ADAMTS20: variants seen among roughly 807,000 people sequenced by gnomAD.
ADAMTS20 encodes ADAM metallopeptidase with thrombospondin type 1 motif 20, also known as A disintegrin and metalloproteinase with thrombospondin motifs 20.
A neutral mutation model predicts 260.1 loss-of-function variants in ADAMTS20; 225 were observed. The observed-to-expected ratio is 0.87, with a 90% CI of 0.78 to 0.97. The LOEUF is 0.97. ADAMTS20 is among the 50% of genes least tolerant of loss of function. The pLI is 0.00. For synonymous variants in ADAMTS20, 802 were observed against 769.5 expected, an observed-to-expected ratio of 1.04 and a Z score of -0.70; for missense variants, 2,400 against 2,337.7, an observed-to-expected ratio of 1.03 and a Z score of -0.55.
At chr12:43,507,184 T>C (rs189861278) in intron 3 of ADAMTS20, among the ~76,000 whole-genome samples, 5 of 152,312 alleles carry the variant, frequency 3.3e-5, no homozygotes, top group Admixed American at 3.3e-4. Context: ...TTTGCATGTA[T>C]ACATATATCA....
At chr12:43,367,931 GC>G (rs1940022801) in intron 37 of ADAMTS20, among the ~76,000 whole-genome samples, 1 of 151,994 alleles carries the variant, frequency 6.6e-6, no homozygotes, top group South Asian at 2.1e-4. Context: ...ACCTGTCAAA[GC>G]CTTCTTAATG....
At chr12:43,421,874 A>T (rs1385879324) in intron 28 of ADAMTS20, among the ~76,000 whole-genome samples, 1 of 152,080 alleles carries the variant, frequency 6.6e-6, no homozygotes, top group African/African-American at 2.4e-5. Context: ...CAACAATTAA[A>T]TGTTTAATAA....
chr12:43,414,684 C>A (rs931241491), intron 28 of ADAMTS20, among the ~76,000 whole-genome samples: 1 of 152,024 alleles, frequency 6.6e-6, no homozygotes, highest in Admixed American at 6.6e-5. Flanking sequence ...CTGATAATAT[C>A]AAGTGTTGAC....
intron 3 of ADAMTS20, among the ~76,000 whole-genome samples, chr12:43,512,506 T>A (rs531644808): frequency 5.4e-4 from 82 of 152,224 alleles, no homozygotes; most frequent in African/African-American, 1.9e-3. Flanking sequence ...TACAGTCCTC[T>A]GTGATTTCTC....
chr12:43,370,304 A>C (rs1406827258), intron 36 of ADAMTS20, among the ~76,000 whole-genome samples: 2 of 152,208 alleles, frequency 1.3e-5, no homozygotes, highest in Non-Finnish European at 2.9e-5. Context: ...TTTCTTCCCA[A>C]GCCCAGGTAC....
At chr12:43,392,679 GTT>G (rs1248002315) in intron 29 of ADAMTS20, among the ~76,000 whole-genome samples, 1 of 152,120 alleles carries the variant, frequency 6.6e-6, no homozygotes, top group East Asian at 1.9e-4. Context: ...CCAATAGAAA[GTT>G]TTCAAATCTT....
At position 43,439,614 on chromosome 12, in the gene ADAMTS20, C is replaced by G. The variant is rs750283448; in HGVS notation, c.2593+8G>C. 1.3e-6 allele frequency: 2 copies of G among 1,597,478 alleles called. No individual in the cohort carries two copies. The highest frequency in any genetic ancestry group is 2.3e-5 in the South Asian group (2 of 87,174). On this transcript the variant is annotated splice_region_variant and intron_variant, in intron 18 of 38. Coordinates refer to ENST00000389420, the MANE Select transcript of ADAMTS20 (RefSeq NM_025003.5). The stretch of plus-strand genomic sequence containing the variant: ...CAGTCTTTTCTCCCTTATTGAATGC[C>G]AGCGTACCTTGACACATTTTGGTAC...
At chr12:43,373,871 G>T (rs544424234) in intron 36 of ADAMTS20, among the ~76,000 whole-genome samples, 1 of 151,156 alleles carries the variant, frequency 6.6e-6, no homozygotes, top group Non-Finnish European at 1.5e-5. Context: ...AGTAGAGACG[G>T]GGTTTCACCG....
intron 18 of ADAMTS20, among the ~76,000 whole-genome samples, chr12:43,435,711 T>C (rs1393299201): frequency 7.2e-6 from 1 of 138,300 alleles, no homozygotes; most frequent in Non-Finnish European, 1.6e-5. Context: ...AAAAAAAACA[T>C]GGATACAGAT....
At chr12:43,450,425 G>C (rs879404055) in intron 14 of ADAMTS20, among the ~76,000 whole-genome samples, 1 of 152,118 alleles carries the variant, frequency 6.6e-6, no homozygotes, top group Non-Finnish European at 1.5e-5. Context: ...TCTGAAAGTA[G>C]CATGCCTCTA....
chr12:43,452,422 A>G lies in ADAMTS20; in HGVS notation c.1943-12T>C, dbSNP rs1302339042. On this transcript the variant is annotated splice_polypyrimidine_tract_variant and intron_variant, in intron 13 of 38. Transcript: ENST00000389420. ...ATCCTTTGTGCCAACTGTAAAAAAGAAAAAGGTCAAATTTTTAATGTATAA... is the reference window on the plus strand; with the variant it reads ...ATCCTTTGTGCCAACTGTAAAAAAGGAAAAGGTCAAATTTTTAATGTATAA... The G allele has an allele frequency of 6.2e-7, 1 of 1,605,482 alleles. No individual in the cohort carries two copies. The highest frequency in any genetic ancestry group is 8.5e-7 in the Non-Finnish European group (1 of 1,177,612).
intron 2 of ADAMTS20, among the ~76,000 whole-genome samples, chr12:43,533,250 A>T: frequency 7.1e-6 from 1 of 141,838 alleles, no homozygotes; most frequent in East Asian, 2.1e-4. Flanking sequence ...TGCCATTCTA[A>T]CTGGTGTGAG....
At position 43,399,073 on chromosome 12, in the gene ADAMTS20, C is replaced by T. The variant is rs746811280; in HGVS notation, c.4445G>A (p.Trp1482Ter). The change falls in exon 29 of 39, where the codon TGG (tryptophan) becomes TAG (stop). Residue 1482 changes from tryptophan (W) to a stop codon, truncating the protein, a stop_gained. Coordinates refer to ENST00000389420, the MANE Select transcript of ADAMTS20 (RefSeq NM_025003.5). LOFTEE classifies it high-confidence loss of function. ...AAAATATACATCATATACCTCATTC[C>T]AGCTATTGGCTTTCCATGAAGGGCA... is the stretch of plus-strand genomic sequence containing the variant. ...VRCPSWKANS[W>*]NECSVTCGSG... 2 of 1,509,738 alleles carry T rather than the reference C, an allele frequency of 1.3e-6. No individual in the cohort carries two copies. The highest frequency in any genetic ancestry group is 8.9e-7 in the Non-Finnish European group (1 of 1,128,474). The allele number at this position is 1,509,738 out of a possible 1,614,324, so 93.5% of individuals were successfully genotyped here.
In ADAMTS20 at chr12:43,551,680, A is replaced by C; in HGVS notation, c.91+151T>G. The C allele has an allele frequency of 1.2e-6, 1 of 814,378 alleles. No individual in the cohort carries two copies. 50.4% of individuals were successfully genotyped at this position (814,378 alleles called of 1,614,324 possible). A position where few individuals can be genotyped will look rare whatever the true frequency, so the allele number is the denominator to read the frequency against. ...TTCCTCGAAACCCGGCGCAGTCGCGACCTCTCCGGCTGACTGGTCCGGGAG... is the reference window on the plus strand; with the variant it reads ...TTCCTCGAAACCCGGCGCAGTCGCGCCCTCTCCGGCTGACTGGTCCGGGAG... On this transcript the variant is annotated intron_variant, in intron 1 of 38. Coordinates refer to ENST00000389420, the MANE Select transcript of ADAMTS20 (RefSeq NM_025003.5). The surrounding 1 kb of genome is among the most constrained non-coding windows in gnomAD (Gnocchi z 4.6).
intron 3 of ADAMTS20, among the ~76,000 whole-genome samples, chr12:43,524,286 A>G (rs1001466696): frequency 7.9e-5 from 7 of 88,772 alleles, no homozygotes; most frequent in African/African-American, 2.8e-4. Flanking sequence ...ACGAGAGCCT[A>G]ATTACACTAC....
At position 43,552,058 on chromosome 12, in the gene ADAMTS20, G is replaced by T. The variant is rs1473633924; in HGVS notation, c.-137C>A. On this transcript the variant is annotated 5_prime_UTR_variant, in exon 1 of 39. Transcript: ENST00000389420. ...CCTCAGCAGCCTAGGGAACAGCAGC[G>T]CGGGCCCTGGGCCGGCTGGTCCAGC... is the stretch of plus-strand genomic sequence containing the variant. The T allele has an allele frequency of 1.4e-6, 1 of 704,880 alleles. No individual in the cohort carries two copies. The highest frequency in any genetic ancestry group is 2.4e-6 in the Non-Finnish European group (1 of 414,928). The allele number at this position is 704,880 out of a possible 1,614,324, so 43.7% of individuals were successfully genotyped here.
chr12:43,423,591 C>G (rs1269746254), intron 28 of ADAMTS20: 1 of 612,960 alleles, frequency 1.6e-6, no homozygotes, highest in Non-Finnish European at 2.9e-6. Flanking sequence ...TTCTTAAGAA[C>G]TAGGCTTGCA....
In ADAMTS20 at chr12:43,493,253, C is replaced by T. The variant is rs201183239; in HGVS notation, c.868G>A (p.Val290Ile). The T allele has an allele frequency of 9.7e-6, 15 of 1,538,730 alleles. No individual in the cohort carries two copies. Among genetic ancestry groups the T allele is most frequent in the Admixed American group, 2.1e-5 (1 of 47,674 alleles). The stretch of plus-strand genomic sequence containing the variant: ...CTTGGATCTTTGTAGATTGTTGCAA[C>T]CTGCATGTAAAAAAAATGTAGGATT... ...QNYILTLMSI[V>I]ATIYKDPSIG... The change falls in exon 5 of 39, where the codon GTT becomes ATT. Residue 290 changes from valine (V) to isoleucine (I), a missense_variant and splice_region_variant. Transcript: ENST00000389420.
At position 43,376,619 on chromosome 12, in the gene ADAMTS20, C is replaced by G. The variant is rs779590352; in HGVS notation, c.5030G>C (p.Arg1677Thr). The G allele has an allele frequency of 9.3e-6, 15 of 1,613,176 alleles. No homozygotes were observed. The African/African-American group carries it at 1.2e-4, about 13-fold the overall frequency. Residue 1677 changes from arginine to threonine, a missense_variant, in exon 33 of 39, where the codon AGA becomes ACA. Physicochemically the swap from Arg to Thr is moderately conservative, Grantham distance 71. Coordinates refer to ENST00000389420, the MANE Select transcript of ADAMTS20 (RefSeq NM_025003.5). Reference protein sequence around the residue: ...SVTCGIGIMKRQVKCITKHGL... With the variant: ...SVTCGIGIMKTQVKCITKHGL... The stretch of plus-strand genomic sequence containing the variant: ...ATGTTTGGTAATGCATTTCACTTGT[C>G]TCTTCATTATCCCAATTCCACAAGT...
Sources: allele counts gnomAD v4.1 joint callset (sites outside exome capture counted in the v4.1 genomes callset), GRCh38; gene constraint gnomAD v4.1.1; non-coding constraint Gnocchi (gnomAD v3.1); transcripts MANE v1.5; gene names NCBI Gene and HGNC (gene_info 2026-07-23, HGNC 2026-07-21).